ANKRD26: variants seen among roughly 807,000 people sequenced by gnomAD.
ANKRD26 encodes ankyrin repeat domain 26.
Under a neutral mutation model 208.7 loss-of-function variants are expected in ANKRD26, and 141 were observed. That is an observed-to-expected ratio of 0.68 (90% CI 0.59 to 0.78). The LOEUF (loss-of-function observed/expected upper bound fraction) is 0.78, where lower values mean the gene tolerates loss of function less well. ANKRD26 is among the 30% of genes least tolerant of loss of function. The pLI is 0.00. For missense variants in ANKRD26, 1,889 were observed against 1,938.7 expected, an observed-to-expected ratio of 0.97 and a Z score of 0.48; for synonymous variants, 636 against 660.4, an observed-to-expected ratio of 0.96 and a Z score of 0.57.
chr10:27,024,343 A>C (rs1429951646), intron 28 of ANKRD26, 104 bp downstream of exon 28: 1 of 661,820 alleles, frequency 1.5e-6, no homozygotes, highest in Non-Finnish European at 2.6e-6. Flanking sequence ...TTTCATTAAG[A>C]AAAAGTAGAT....
At chr10:26,976,261 C>G (rs2134604844) in intron 5 of ANKRD26, among the ~76,000 whole-genome samples, 1 of 151,894 alleles carries the variant, frequency 6.6e-6, no homozygotes, top group Admixed American at 6.6e-5. Context: ...GTCACCCAGG[C>G]TAGAGTGCAG....
intron 15 of ANKRD26, among the ~76,000 whole-genome samples, chr10:27,056,681 G>A (rs2054850883): frequency 6.6e-6 from 1 of 151,960 alleles, no homozygotes; most frequent in Non-Finnish European, 1.5e-5. Flanking sequence ...GGAGGCTGAG[G>A]AAGGAGAATC....
chr10:27,022,471 T>C, intron 29 of ANKRD26, 87 bp downstream of exon 29: 1 of 1,080,228 alleles, frequency 9.3e-7, no homozygotes, highest in Non-Finnish European at 1.3e-6. Context: ...AAAAAAAAAA[T>C]CTTTATTTCA....
intron 6 of ANKRD26, chr10:27,080,888 C>T (rs775332100): frequency 2.8e-5 from 28 of 985,312 alleles, no homozygotes; most frequent in African/African-American, 5.2e-5. Flanking sequence ...AATCCTACCC[C>T]TGCCCTACCC....
chr10:27,072,437 G>A (rs972604669), intron 9 of ANKRD26, among the ~76,000 whole-genome samples: 22 of 152,212 alleles, frequency 1.4e-4, no homozygotes, highest in African/African-American at 5.3e-4. Flanking sequence ...GCACCCACAT[G>A]TGGGGAGCCA....
At chr10:26,986,958 C>T (rs1442401945), downstream of ANKRD26, among the ~76,000 whole-genome samples, 2 of 152,214 alleles carry the variant, frequency 1.3e-5, no homozygotes, top group Non-Finnish European at 2.9e-5. Flanking sequence ...ATAAATCATG[C>T]TGCTATAGAG....
the ANKRD26 span, among the ~76,000 whole-genome samples, chr10:26,968,492 A>G: frequency 1.3e-5 from 2 of 152,208 alleles, no homozygotes; most frequent in African/African-American, 4.8e-5. Flanking sequence ...ACTTCATGGT[A>G]ACCTCGCTGT....
At chr10:26,953,797 G>A in the ANKRD26 span, among the ~76,000 whole-genome samples, 1 of 152,214 alleles carries the variant, frequency 6.6e-6, no homozygotes, top group South Asian at 2.1e-4. Context: ...TCACATGGGT[G>A]AGGGTTTAAT....
At chr10:27,076,339 T>G (rs1341123250) in intron 9 of ANKRD26, among the ~76,000 whole-genome samples, 1 of 151,640 alleles carries the variant, frequency 6.6e-6, no homozygotes, top group Non-Finnish European at 1.5e-5. Flanking sequence ...CTTGGCTCAC[T>G]GCAACCTCCA....
chr10:27,061,609 T>C (rs2055060816), intron 12 of ANKRD26, among the ~76,000 whole-genome samples: 1 of 149,750 alleles, frequency 6.7e-6, no homozygotes, highest in Non-Finnish European at 1.5e-5. Context: ...ACCCGGACTG[T>C]AGTGCAGTGG....
rs540155602 is a variant in ANKRD26 at position 27,046,464 on chromosome 10, G to C, written c.1874C>G (p.Ser625Trp). 6.2e-7 allele frequency: 1 copy of C among 1,613,780 alleles called. No individual in the cohort carries two copies. The highest frequency in any genetic ancestry group is 1.3e-5 in the African/African-American group (1 of 74,834). The change falls in exon 18 of 34, where the codon TCG becomes TGG. Residue 625 changes from serine to tryptophan, a missense_variant. By Grantham distance (177) the Ser-to-Trp change is radical. Around this residue, in one of 3 missense-constraint regions of ANKRD26, gnomAD observed 1,272 missense variants for 1,273.8 expected, o/e 1.00. Transcript: ENST00000376087. Reference sequence around the variant, plus strand: ...CACTGGTGAATTCACAGATTCTTTCGAGGTCCGTTTTTCTTTTTCAGTGCT... The same window carrying C: ...CACTGGTGAATTCACAGATTCTTTCCAGGTCCGTTTTTCTTTTTCAGTGCT... The part of the protein sequence containing the change: ...VKSTEKEKRT[S>W]KESVNSPVFG...
intron 3 of ANKRD26, among the ~76,000 whole-genome samples, chr10:26,985,371 A>G (rs888860089): frequency 2.0e-5 from 3 of 152,186 alleles, no homozygotes; most frequent in East Asian, 3.8e-4. Flanking sequence ...CACAAGAGGC[A>G]TCTGACATCC....
chr10:27,047,225 G>A (rs2054478699), intron 17 of ANKRD26, among the ~76,000 whole-genome samples: 1 of 152,128 alleles, frequency 6.6e-6, no homozygotes. Context: ...AAGAAATCAG[G>A]AAAATATCCT....
Position 27,005,565 on chromosome 10 carries a change from C to G in ANKRD26, c.*25G>C. ...AATGAGAAACAAAATGTCACATAAA[C>G]AGCCCAGTAATAAAATCTTATCTTT... On this transcript the variant is annotated 3_prime_UTR_variant, in exon 34 of 34. Transcript: ENST00000376087. The G allele has an allele frequency of 6.3e-7, 1 of 1,598,266 alleles. No individual in the cohort carries two copies. The highest frequency in any genetic ancestry group is 8.6e-7 in the Non-Finnish European group (1 of 1,167,764).
chr10:27,019,116 T>G (rs1052232471), intron 29 of ANKRD26, among the ~76,000 whole-genome samples: 1 of 151,822 alleles, frequency 6.6e-6, no homozygotes, highest in African/African-American at 2.4e-5. Flanking sequence ...CCATCTCTAC[T>G]AAAAATACAA....
rs2053938491 is a variant in ANKRD26, at chr10:27,033,301, A to G, written c.3731T>C (p.Val1244Ala). 6.2e-7 allele frequency: 1 copy of G among 1,612,728 alleles called. No individual in the cohort carries two copies. The highest frequency in any genetic ancestry group is 8.5e-7 in the Non-Finnish European group (1 of 1,179,138). Reference sequence around the variant, plus strand: ...TAAATTAATACGATAACGTGACGTAACCTCCAGTGAAGCCTCTGACATAGA... The same window carrying G: ...TAAATTAATACGATAACGTGACGTAGCCTCCAGTGAAGCCTCTGACATAGA... ...KQSMSEASLEVTSRYRINLED... is the reference protein window; with the variant it reads ...KQSMSEASLEATSRYRINLED... Residue 1244 changes from valine to alanine, a missense_variant, in exon 25 of 34, where the codon GTT becomes GCT. This residue lies in a region of ANKRD26 where 613 missense variants were observed against 648.2 expected (regional missense o/e 0.95). Transcript: ENST00000376087.
chr10:27,082,049 TAAA>T (rs994610726), intron 6 of ANKRD26, among the ~76,000 whole-genome samples: 4 of 67,634 alleles, frequency 5.9e-5, no homozygotes, highest in African/African-American at 1.8e-4. Flanking sequence ...TGCAGTTATT[TAAA>T]AAAAAAAAAA....
At chr10:27,098,613 A>G (rs1260208088) in intron 1 of ANKRD26, among the ~76,000 whole-genome samples, 6 of 147,766 alleles carry the variant, frequency 4.1e-5, no homozygotes, top group Non-Finnish European at 8.9e-5. Flanking sequence ...CAGTGGCGTG[A>G]TCTCCGCTCA....
Position 27,079,089 on chromosome 10 carries a change from C to T in ANKRD26, c.813G>A (p.Lys271=). ...SDDEDLNFDT[K]NVPKPSLAKL... is the part of the protein sequence containing the mutation. ...TTAAGTTCATGAGAGAGCACTTTAC[C>T]TTAGTATCAAAATTGAGGTCTTCGT... The change falls in exon 7 of 34, where the codon AAG becomes AAA. Residue 271 remains lysine, a splice_region_variant and synonymous_variant. Transcript: ENST00000376087. 3.7e-6 allele frequency: 6 copies of T among 1,610,748 alleles called. No homozygotes were observed. Among genetic ancestry groups the T allele is most frequent in the Non-Finnish European group, 5.1e-6 (6 of 1,177,170 alleles).
Sources: gnomAD v4.1 joint callset for allele counts (sites outside exome capture counted in the v4.1 genomes callset) on GRCh38, gnomAD v4.1.1 for gene constraint, gnomAD v4.1.1 regional missense constraint, MANE v1.5 for transcripts, NCBI Gene and HGNC (gene_info 2026-07-23, HGNC 2026-07-21) for gene names.